The following APOL4 variants were observed in gnomAD, a reference collection of about 807,000 sequenced individuals.
The protein encoded by APOL4 is apolipoprotein L4, also known as apolipoprotein L, 4.
APOL4 carries 14 observed loss-of-function variants against 12.1 expected under a neutral mutation model. The ratio of observed to expected loss-of-function variants is 1.16; its 90% CI spans 0.76 to 1.81. The LOEUF is 1.81. Ranked by LOEUF, APOL4 falls within the 40% of genes most tolerant of loss-of-function variation. The pLI, the probability that APOL4 is intolerant of heterozygous loss-of-function variation, is 0.00. For synonymous variants in APOL4, 171 were observed against 160.6 expected, an observed-to-expected ratio of 1.06 and a Z score of -0.49; for missense variants, 432 against 423.1, an observed-to-expected ratio of 1.02 and a Z score of -0.18.
chr22:36,203,461 A>G (rs9306307), upstream of APOL4, among the ~76,000 whole-genome samples: 41,041 of 152,134 alleles, frequency 0.27, 5,896 homozygotes, highest in African/African-American at 0.33. Context: ...TACAGTATAC[A>G]GAGATAAGAA....
chr22:36,201,982 G>A (rs755104064), upstream of APOL4: 2 of 1,614,106 alleles, frequency 1.2e-6, no homozygotes, highest in Non-Finnish European at 1.7e-6. Flanking sequence ...AGGGCTCTGA[G>A]CCAAGCTCAC....
Position 36,201,795 on chromosome 22 carries a change from G to T in APOL4, c.-61C>A. 1 of 1,581,116 alleles carries T rather than the reference G, an allele frequency of 6.3e-7. No individual in the cohort carries two copies. Among genetic ancestry groups the T allele is most frequent in the Non-Finnish European group, 8.6e-7 (1 of 1,163,112 alleles). ...ATCTGGGGCCTCTGCTGAATGTTGA[G>T]GCTGGATACTGACTGTTAGCCTCAA... On this transcript the variant is annotated 5_prime_UTR_variant, in exon 1 of 4. Coordinates refer to ENST00000683024, the MANE Select transcript of APOL4 (RefSeq NM_001386885.1).
At chr22:36,197,845 A>C in intron 2 of APOL4, 1 of 1,544,580 alleles carries the variant, frequency 6.5e-7, no homozygotes, top group East Asian at 2.4e-5. Flanking sequence ...ACAAACAGGA[A>C]GTGGCCAATC....
intron 2 of APOL4, 116 bp downstream of exon 2, chr22:36,199,214 G>A: frequency 4.9e-6 from 7 of 1,423,932 alleles, no homozygotes; most frequent in Non-Finnish European, 6.9e-6. Context: ...CTCCGTCTGG[G>A]TTCCGTTGGG....
In APOL4 at chr22:36,195,400, G is replaced by C. The variant is rs1403000698; in HGVS notation, c.120C>G (p.Phe40Leu). The C allele has an allele frequency of 1.9e-6, 3 of 1,613,942 alleles. No individual in the cohort carries two copies. The South Asian group carries it at 3.3e-5, about 18-fold the overall frequency. The change falls in exon 3 of 4, where the codon TTC (phenylalanine) becomes TTG (leucine). Residue 40 changes from phenylalanine to leucine, a missense_variant. Coordinates refer to ENST00000683024, the MANE Select transcript of APOL4 (RefSeq NM_001386885.1). ...KRFTEEVIEY[F>L]QKKVSPVHLK... ...GATGCACTGGGCTAACTTTCTTCTG[G>C]AAGTATTCAATGACTTCTTCAGTGA...
chr22:36,190,889 T>A lies in APOL4; in HGVS notation c.*186A>T. 1.7e-6 allele frequency: 1 copy of A among 604,200 alleles called. No individual in the cohort carries two copies. Among genetic ancestry groups the A allele is most frequent in the South Asian group, 2.1e-5 (1 of 48,252 alleles). The allele number at this position is 604,200 out of a possible 1,614,324, so 37.4% of individuals were successfully genotyped here. A position where few individuals can be genotyped will look rare whatever the true frequency, so the allele number is the denominator to read the frequency against. ...ACAAGGGTATTGATTGGGGAAGTGA[T>A]CAGTGTCCATGAAATCTTCACAATT... On this transcript the variant is annotated 3_prime_UTR_variant, in exon 4 of 4. Coordinates refer to ENST00000683024, the MANE Select transcript of APOL4 (RefSeq NM_001386885.1).
In APOL4 at chr22:36,191,039, C is replaced by T; in HGVS notation, c.*36G>A. On this transcript the variant is annotated 3_prime_UTR_variant, in exon 4 of 4. Coordinates refer to ENST00000683024, the MANE Select transcript of APOL4 (RefSeq NM_001386885.1). Reference sequence around the variant, plus strand: ...TCTGCCATGGCTTCAGCCAGTCCCTCCGTTTGGGGTCCCTGACTTCCCGCA... The same window carrying T: ...TCTGCCATGGCTTCAGCCAGTCCCTTCGTTTGGGGTCCCTGACTTCCCGCA... 6.5e-7 allele frequency: 1 copy of T among 1,531,344 alleles called. No homozygotes were observed. The highest frequency in any genetic ancestry group is 1.2e-5 in the South Asian group (1 of 81,772). 94.9% of individuals were successfully genotyped at this position (1,531,344 alleles called of 1,614,324 possible).
chr22:36,191,356 G>T lies in APOL4; in HGVS notation c.766C>A (p.Arg256Ser), dbSNP rs117014418. The T allele has an allele frequency of 1.9e-6, 3 of 1,614,018 alleles. No homozygotes were observed. The highest frequency in any genetic ancestry group is 1.7e-5 in the Admixed American group (1 of 60,032). Reference sequence around the variant, plus strand: ...ACATATCGCCAAGCAATCAAAGGGCGTCCAACAGTGGCTTTAGATCTCCTG... The same window carrying T: ...ACATATCGCCAAGCAATCAAAGGGCTTCCAACAGTGGCTTTAGATCTCCTG... ...TLRRSKATVG[R>S]PLIAWRYVPI... Residue 256 changes from arginine (R) to serine (S), a missense_variant, in exon 4 of 4, where the codon CGC becomes AGC. Coordinates refer to ENST00000683024, the MANE Select transcript of APOL4 (RefSeq NM_001386885.1).
upstream of APOL4, among the ~76,000 whole-genome samples, chr22:36,202,860 G>A (rs1285147449): frequency 6.6e-6 from 1 of 152,200 alleles, no homozygotes; most frequent in African/African-American, 2.4e-5. Context: ...AGGCTGGGAG[G>A]GGAGGTGACT....
chr22:36,191,752 G>C lies in APOL4; in HGVS notation c.370C>G (p.Arg124Gly). Residue 124 changes from arginine to glycine, a missense_variant, in exon 4 of 4, where the codon CGT becomes GGT. Arg to Gly is a moderately radical substitution (Grantham distance 125). Coordinates refer to ENST00000683024, the MANE Select transcript of APOL4 (RefSeq NM_001386885.1). ...WKIQESIERL[R>G]VIANEIEKVH... is the part of the protein sequence containing the mutation. ...TTTTCAATCTCATTTGCAATGACAC[G>C]AAGCCTTTCTATGGACTCCTGAATC... is the stretch of plus-strand genomic sequence containing the variant. 4 of 1,613,962 alleles carry C rather than the reference G, an allele frequency of 2.5e-6. No individual in the cohort carries two copies. The highest frequency in any genetic ancestry group is 3.4e-6 in the Non-Finnish European group (4 of 1,179,878).
At chr22:36,195,957 T>G (rs1050194448) in intron 2 of APOL4, among the ~76,000 whole-genome samples, 11 of 152,198 alleles carry the variant, frequency 7.2e-5, no homozygotes, top group African/African-American at 2.7e-4. Context: ...ACGTCAGTTG[T>G]TGAAGCCACC....
upstream of APOL4, among the ~76,000 whole-genome samples, chr22:36,202,733 AG>A (rs1367792700): frequency 1.5e-5 from 2 of 132,612 alleles, no homozygotes; most frequent in Non-Finnish European, 3.1e-5. Context: ...CTCAGAAAAA[AG>A]AAAAAAAAAA....
chr22:36,203,944 GCACAGCCTGTTTCTTCTCCAT>G (rs1362330003), upstream of APOL4, among the ~76,000 whole-genome samples: 2 of 152,234 alleles, frequency 1.3e-5, no homozygotes, highest in Non-Finnish European at 2.9e-5. Context: ...TAGGGACACA[GCACAGCCTGTTTCTTCTCCAT>G]CACCCCAGAG....
intron 1 of APOL4, among the ~76,000 whole-genome samples, chr22:36,200,639 TTA>T (rs2014543839): frequency 6.6e-6 from 1 of 152,258 alleles, no homozygotes; most frequent in South Asian, 2.1e-4. Flanking sequence ...ACATTTGATT[TTA>T]TTTCCTTAAG....
Position 36,191,287 on chromosome 22 carries a change from TG to T in APOL4, c.834del (p.Thr279ProfsTer3). 2.5e-6 allele frequency: 4 copies of T among 1,614,024 alleles called. No homozygotes were observed. The South Asian group carries it at 3.3e-5, about 13-fold the overall frequency. On this transcript the variant is annotated frameshift_variant, in exon 4 of 4. Transcript: ENST00000683024. LOFTEE classifies it low-confidence loss of function (END_TRUNC). ...CGGGCTACTTTTCTCACTATCCGGG[TG>T]GGGGCCCCACGTGTTCTCAGTGTCT... ...VVETLRTRGA[P>X]TRIVRKVARN...
In APOL4 at chr22:36,191,085, T is replaced by C. The variant is rs756028193; in HGVS notation, c.1037A>G (p.Lys346Arg). ...NELTHIHQSLKAG is the reference protein window; with the variant it reads ...NELTHIHQSLRAG ...CCGCAACAATTGGGCCTAGCCTGCT[T>C]TTAGACTCTGATGGATATGGGTGAG... is the stretch of plus-strand genomic sequence containing the variant. The change falls in exon 4 of 4, where the codon AAA becomes AGA. Residue 346 changes from lysine to arginine, a missense_variant. By Grantham distance (26) the Lys-to-Arg change is conservative. Transcript: ENST00000683024. 3.1e-6 allele frequency: 5 copies of C among 1,600,028 alleles called. 1 individual carries two copies. The highest frequency in any genetic ancestry group is 8.5e-7 in the Non-Finnish European group (1 of 1,172,550).
rs2014266761 is a variant in APOL4, at chr22:36,191,872, T to G, written c.250A>C (p.Thr84Pro). The change falls in exon 4 of 4, where the codon ACA becomes CCA. Residue 84 changes from threonine to proline, a missense_variant. By Grantham distance (38) the Thr-to-Pro change is conservative. Coordinates refer to ENST00000683024, the MANE Select transcript of APOL4 (RefSeq NM_001386885.1). ...TTGTCCTCAATAGCCACATATGGTG[T>G]AAGATTCTTCAGAGCTTCATAGAGA... ...DALYEALKNL[T>P]PYVAIEDKDM... 9.9e-6 allele frequency: 16 copies of G among 1,610,634 alleles called. No individual in the cohort carries two copies. The highest frequency in any genetic ancestry group is 1.4e-5 in the Non-Finnish European group (16 of 1,179,532).
chr22:36,192,201 G>A lies in APOL4; in HGVS notation c.210-289C>T, dbSNP rs142107455. On this transcript the variant is annotated intron_variant, in intron 3 of 3. Coordinates refer to ENST00000683024, the MANE Select transcript of APOL4 (RefSeq NM_001386885.1). ...TAAAAATACAAAAAATTAGCCAGGC[G>A]TGGTGGTGAGTGCCTGTAGTCCCAG... is the stretch of plus-strand genomic sequence containing the variant. Among the ~76,000 whole-genome samples, 834 of 152,232 alleles carry A rather than the reference G, an allele frequency of 5.5e-3. 10 individuals are homozygous for A. The highest frequency in any genetic ancestry group is 0.018 in the African/African-American group (766 of 41,538).
chr22:36,191,244 G>C lies in APOL4; in HGVS notation c.878C>G (p.Thr293Ser), dbSNP rs370708432. Residue 293 changes from threonine (T) to serine (S), a missense_variant, in exon 4 of 4, where the codon ACT (threonine) becomes AGT (serine). Coordinates refer to ENST00000683024, the MANE Select transcript of APOL4 (RefSeq NM_001386885.1). ...ATCCAGCACAACAAGGACACCTGAA[G>C]TGGCCTTGCCCAGGTTCCGGGCTAC... Reference protein sequence around the residue: ...RKVARNLGKATSGVLVVLDVV... With the variant: ...RKVARNLGKASSGVLVVLDVV... 4 of 1,613,932 alleles carry C rather than the reference G, an allele frequency of 2.5e-6. No individual in the cohort carries two copies. The East Asian group carries it at 6.7e-5, about 27-fold the overall frequency.
Sources: gnomAD v4.1 joint callset for allele counts (sites outside exome capture counted in the v4.1 genomes callset) on GRCh38, gnomAD v4.1.1 for gene constraint, MANE v1.5 for transcripts, NCBI Gene and HGNC (gene_info 2026-07-23, HGNC 2026-07-21) for gene names.